Variants in ADCY6 observed in about 807,000 individuals in gnomAD.
ADCY6 encodes adenylate cyclase type 6.
A neutral mutation model predicts 111.6 loss-of-function variants in ADCY6; 59 were observed. The observed-to-expected ratio is 0.53, with a 90% CI of 0.43 to 0.66. ADCY6 has a LOEUF of 0.66. Ranked by LOEUF, ADCY6 falls within the 30% of genes least tolerant of loss-of-function variation. The probability of loss-of-function intolerance (pLI) is 0.00; values close to 1 mark genes in which losing one functional copy is unlikely to be tolerated. For missense variants in ADCY6, 1,242 were observed against 1,595.6 expected, an observed-to-expected ratio of 0.78 and a Z score of 3.78; for synonymous variants, 576 against 642.9, an observed-to-expected ratio of 0.90 and a Z score of 1.57.
rs768318023 is a variant in ADCY6 at position 48,782,574 on chromosome 12, C to T, written c.861G>A (p.Lys287=). The T allele has an allele frequency of 5.6e-6, 9 of 1,608,810 alleles. No individual in the cohort carries two copies. The South Asian group carries it at 1.0e-4, about 18-fold the overall frequency. Residue 287 remains lysine, a synonymous_variant, in exon 2 of 22, where the codon AAG becomes AAA. Transcript: ENST00000357869. The surrounding 1 kb of genome is among the most constrained non-coding windows in gnomAD (Gnocchi z 4.3). ...CCCTACCTCCCTGGCCACCTACCTG[C>T]TTCCAGAGGAAGGCATCACCACGGT... ...QLNRGDAFLW[K]QLGANVLLFL...
chr12:48,781,218 CA>C (rs367888978), intron 2 of ADCY6, among the ~76,000 whole-genome samples: 3 of 150,192 alleles, frequency 2.0e-5, no homozygotes, highest in Non-Finnish European at 3.0e-5. Context: ...AAAAAAACCA[CA>C]AAAAAAACAG....
chr12:48,778,188 C>T lies in ADCY6; in HGVS notation c.934G>A (p.Val312Met). 3 of 1,614,162 alleles carry T rather than the reference C, an allele frequency of 1.9e-6. No homozygotes were observed. Among genetic ancestry groups the T allele is most frequent in the Non-Finnish European group, 1.7e-6 (2 of 1,180,046 alleles). Residue 312 changes from valine to methionine, a missense_variant, in exon 3 of 22, where the codon GTG becomes ATG. By Grantham distance (21) the Val-to-Met change is conservative. Transcript: ENST00000357869. ...TCCTGAAAGGCCTGGCGCTGAGACA[C>T]CTCTGCTGGATAGTGTGTGCAGATG... Reference protein sequence around the residue: ...IGICTHYPAEVSQRQAFQETR... With the variant: ...IGICTHYPAEMSQRQAFQETR...
At chr12:48,784,773 C>T (rs1941948792) in intron 1 of ADCY6, among the ~76,000 whole-genome samples, 1 of 148,652 alleles carries the variant, frequency 6.7e-6, no homozygotes, top group Non-Finnish European at 1.5e-5. Flanking sequence ...CCCGGGTTCA[C>T]ACCATTCAGC....
rs916794975 is a variant in ADCY6, at chr12:48,775,907, G to A, written c.1806+56C>T. 9.6e-6 allele frequency: 15 copies of A among 1,561,120 alleles called. No homozygotes were observed. In the Admixed American group the frequency reaches 1.5e-4, roughly 16 times the overall value. ...CAAGAAAGGACAGGGTCAGGGACAG[G>A]GTATTGAGGGAGCTAAGAAAATGAG... On this transcript the variant is annotated intron_variant, in intron 9 of 21. Coordinates refer to ENST00000357869, the MANE Select transcript of ADCY6 (RefSeq NM_015270.5).
Position 48,776,133 on chromosome 12 carries a change from G to T in ADCY6, c.1678-42C>A, listed in dbSNP as rs367931608. The T allele has an allele frequency of 1.3e-5, 21 of 1,613,772 alleles. No individual in the cohort carries two copies. In the African/African-American group the frequency reaches 2.8e-4, roughly 22 times the overall value. The stretch of plus-strand genomic sequence containing the variant: ...GGTACAGGCTCAGAAGAGGGGCCCA[G>T]AGGAGGCCTTGGCCTGCTCCTCCCC... On this transcript the variant is annotated intron_variant, in intron 8 of 21. Coordinates refer to ENST00000357869, the MANE Select transcript of ADCY6 (RefSeq NM_015270.5). This position sits in a 1 kb window ranked among gnomAD's most constrained non-coding sequence, Gnocchi z 6.1.
In ADCY6 at chr12:48,777,692, C is replaced by T. The variant is rs557096142; in HGVS notation, c.1059G>A (p.Glu353=). ...TTTTTGTGTTGATGTCTTCTTTCAT[C>T]TCCATGGCAACGTGCTGGGGCAATA... ...LSVLPQHVAM[E]MKEDINTKKE... Residue 353 remains glutamate, a synonymous_variant, in exon 4 of 22, where the codon GAG becomes GAA. Transcript: ENST00000357869. This position sits in a 1 kb window ranked among gnomAD's most constrained non-coding sequence, Gnocchi z 4.9. 8.1e-6 allele frequency: 13 copies of T among 1,614,218 alleles called. No individual in the cohort carries two copies. Among genetic ancestry groups the T allele is most frequent in the African/African-American group, 1.3e-5 (1 of 75,042 alleles).
In ADCY6 at chr12:48,777,066, C is replaced by T. The variant is rs182004614; in HGVS notation, c.1376+38G>A. The T allele has an allele frequency of 3.2e-4, 488 of 1,547,704 alleles. No homozygotes were observed. Among genetic ancestry groups the T allele is most frequent in the Non-Finnish European group, 3.8e-4 (438 of 1,145,900 alleles). On this transcript the variant is annotated intron_variant, in intron 6 of 21. Coordinates refer to ENST00000357869, the MANE Select transcript of ADCY6 (RefSeq NM_015270.5). This position sits in a 1 kb window ranked among gnomAD's most constrained non-coding sequence, Gnocchi z 4.9. ...AAAAGTAGGAGCAGTCTGGGGCACC[C>T]GCAATTCCAGGAAGCCTAGGAATGG...
intron 16 of ADCY6, 89 bp downstream of exon 16, chr12:48,773,380 C>T (rs2137347024): frequency 6.9e-7 from 1 of 1,451,374 alleles, no homozygotes; most frequent in Non-Finnish European, 9.4e-7. Flanking sequence ...TTCCAAGGCA[C>T]AAGGGGCATG....
rs1037254707 is a variant in ADCY6, at chr12:48,778,872, A to ATTTTTTTTTTTTTTTTTTTTTTTTTT, written c.865-641_865-616dup. ...GTGTCTTCTATACACTGAATAACAC[A>ATTTTTTTTTTTTTTTTTTTTTTTTTT]TTTTTTTTTTTTTTTTTTTTTTTTT... On this transcript the variant is annotated intron_variant, in intron 2 of 21. Transcript: ENST00000357869. 4.1e-5 allele frequency among the ~76,000 whole-genome samples: 3 copies of ATTTTTTTTTTTTTTTTTTTTTTTTTT among 72,412 alleles called. 1 individual carries two copies. Among genetic ancestry groups the ATTTTTTTTTTTTTTTTTTTTTTTTTT allele is most frequent in the African/African-American group, 1.8e-4 (3 of 16,708 alleles). 47.5% of individuals were successfully genotyped at this position (72,412 alleles called of 152,430 possible).
At chr12:48,770,084 T>C (rs531645606) in intron 20 of ADCY6, among the ~76,000 whole-genome samples, 83 of 148,828 alleles carry the variant, frequency 5.6e-4, no homozygotes, top group Middle Eastern at 7.0e-3. Flanking sequence ...TTTTTTTTTT[T>C]CAGTAGAAAA....
Position 48,771,745 on chromosome 12 carries a change from G to A in ADCY6, c.3016C>T (p.Arg1006Trp). Reference sequence around the variant, plus strand: ...TCAGCGATGATCTCGTTGAGCAGCCGCAGGCACTCGACACCCTCATTGTTT... The same window carrying A: ...TCAGCGATGATCTCGTTGAGCAGCCACAGGCACTCGACACCCTCATTGTTT... The part of the protein sequence containing the change: ...EANNEGVECL[R>W]LLNEIIADFD... Residue 1006 changes from arginine (R) to tryptophan (W), a missense_variant, in exon 19 of 22, where the codon CGG becomes TGG. By Grantham distance (101) the Arg-to-Trp change is moderately radical. This residue lies in a region of ADCY6 where 245 missense variants were observed against 371.3 expected (regional missense o/e 0.66). Coordinates refer to ENST00000357869, the MANE Select transcript of ADCY6 (RefSeq NM_015270.5). This position sits in a 1 kb window ranked among gnomAD's most constrained non-coding sequence, Gnocchi z 4.3. The A allele has an allele frequency of 6.2e-7, 1 of 1,614,116 alleles. No homozygotes were observed. The highest frequency in any genetic ancestry group is 8.5e-7 in the Non-Finnish European group (1 of 1,180,038).
chr12:48,771,606 C>G lies in ADCY6; in HGVS notation c.3051+104G>C. 6.5e-7 allele frequency: 1 copy of G among 1,550,378 alleles called. No homozygotes were observed. Among genetic ancestry groups the G allele is most frequent in the South Asian group, 1.1e-5 (1 of 89,252 alleles). On this transcript the variant is annotated intron_variant, in intron 19 of 21. Coordinates refer to ENST00000357869, the MANE Select transcript of ADCY6 (RefSeq NM_015270.5). The surrounding 1 kb of genome is among the most constrained non-coding windows in gnomAD (Gnocchi z 4.3). Reference sequence around the variant, plus strand: ...ACCCTTACCCCTGATGACTCTGGGTCCCATCAAATCTCTCTCTCTCTTCCC... The same window carrying G: ...ACCCTTACCCCTGATGACTCTGGGTGCCATCAAATCTCTCTCTCTCTTCCC...
chr12:48,786,218 T>C (rs1422696146), intron 1 of ADCY6, among the ~76,000 whole-genome samples: 2 of 152,112 alleles, frequency 1.3e-5, no homozygotes, highest in Non-Finnish European at 1.5e-5. Flanking sequence ...GGGCAGCGCT[T>C]GAAGCAGACA....
Position 48,777,372 on chromosome 12 carries a change from C to A in ADCY6, c.1248+38G>T. The A allele has an allele frequency of 6.2e-7, 1 of 1,610,156 alleles. No homozygotes were observed. Among genetic ancestry groups the A allele is most frequent in the South Asian group, 1.1e-5 (1 of 90,794 alleles). ...AGCAAAGCTATGCTCTCACCACGGT[C>A]AACACCCAGGCCCAATCCCAAGGCC... On this transcript the variant is annotated intron_variant, in intron 5 of 21. Transcript: ENST00000357869. This position sits in a 1 kb window ranked among gnomAD's most constrained non-coding sequence, Gnocchi z 4.9.
Position 48,768,429 on chromosome 12 carries a change from G to A in ADCY6, c.*162C>T. 9.9e-7 allele frequency: 1 copy of A among 1,012,210 alleles called. No homozygotes were observed. The highest frequency in any genetic ancestry group is 1.5e-6 in the Non-Finnish European group (1 of 680,806). 62.7% of individuals were successfully genotyped at this position (1,012,210 alleles called of 1,614,324 possible). ...GGTAGCCCCTTGTTTTCCAGCTTGA[G>A]GGCAGACGAGCATGATCCAAGCACA... On this transcript the variant is annotated 3_prime_UTR_variant, in exon 22 of 22. Coordinates refer to ENST00000357869, the MANE Select transcript of ADCY6 (RefSeq NM_015270.5).
chr12:48,772,449 G>T, intron 17 of ADCY6, 25 bp from the exon 18 acceptor site: 1 of 1,614,156 alleles, frequency 6.2e-7, no homozygotes, highest in Non-Finnish European at 8.5e-7. Context: ...AGACATGCTT[G>T]GTGTCTGAAG....
In ADCY6 at chr12:48,774,015, C is replaced by A. The variant is rs148839563; in HGVS notation, c.2367G>T (p.Leu789=). The change falls in exon 15 of 22, where the codon CTG becomes CTT. Residue 789 remains leucine, a synonymous_variant. Transcript: ENST00000357869. ...GGCCCAGAGAGTAATTGAGCTGCTGCAGGTGGCAGGCAGTGATGTCAGCAG... is the reference window on the plus strand; with the variant it reads ...GGCCCAGAGAGTAATTGAGCTGCTGAAGGTGGCAGGCAGTGATGTCAGCAG... The part of the protein sequence containing the change: ...LTPADITACH[L]QQLNYSLGLD... The A allele has an allele frequency of 6.2e-7, 1 of 1,613,288 alleles. No individual in the cohort carries two copies. Among genetic ancestry groups the A allele is most frequent in the Non-Finnish European group, 8.5e-7 (1 of 1,179,662 alleles).
At position 48,783,258 on chromosome 12, in the gene ADCY6, GC is replaced by G. The variant is rs1433922669; in HGVS notation, c.176del (p.Gly59AlafsTer38). 1.2e-6 allele frequency: 2 copies of G among 1,610,816 alleles called. No homozygotes were observed. The highest frequency in any genetic ancestry group is 1.7e-5 in the Admixed American group (1 of 59,944). ...CATCCTGCCAGGGGCACCGAGGGGG[GC>G]CCGCAGGGGTGGGGCTGGGTGGCTC... ...DAEPPSPTPAGPPRCPWQDDA... is the reference protein window; with the variant it reads ...DAEPPSPTPAXPPRCPWQDDA... On this transcript the variant is annotated frameshift_variant, in exon 2 of 22. Transcript: ENST00000357869. LOFTEE classifies it high-confidence loss of function.
intron 1 of ADCY6, among the ~76,000 whole-genome samples, chr12:48,786,813 C>A (rs1476595947): frequency 6.6e-6 from 1 of 152,188 alleles, no homozygotes; most frequent in Non-Finnish European, 1.5e-5. Context: ...TGGCATGAGA[C>A]CAGGGTTCCA....
Sources: gnomAD v4.1 joint callset for allele counts (sites outside exome capture counted in the v4.1 genomes callset) on GRCh38, gnomAD v4.1.1 for gene constraint, gnomAD v4.1.1 regional missense constraint, Gnocchi (gnomAD v3.1) non-coding constraint, MANE v1.5 for transcripts, NCBI Gene and HGNC (gene_info 2026-07-23, HGNC 2026-07-21) for gene names.